RNF40: variants seen among roughly 807,000 people sequenced by gnomAD.
RNF40 encodes the protein E3 ubiquitin-protein ligase BRE1B.
A neutral mutation model predicts 123.3 loss-of-function variants in RNF40; 39 were observed. The ratio of observed to expected loss-of-function variants is 0.32; its 90% CI spans 0.24 to 0.41. The LOEUF (loss-of-function observed/expected upper bound fraction) is 0.41. Among genes scored for constraint, RNF40 ranks in the 10% least tolerant of loss-of-function variants. RNF40 has a pLI of 1.00. For synonymous variants in RNF40, 538 were observed against 526.0 expected (o/e 1.02, Z -0.31); for missense variants, 1,003 against 1,319.9 (o/e 0.76, Z 3.72).
intron 8 of RNF40, 117 bp downstream of exon 8, chr16:30,765,616 C>A: frequency 1.1e-6 from 1 of 894,194 alleles, no homozygotes; most frequent in Non-Finnish European, 1.7e-6. Flanking sequence ...GTCACTCCTG[C>A]TGCTCTTTTT....
chr16:30,775,185 C>T lies in RNF40; in HGVS notation c.*1071C>T, dbSNP rs1290086386. 3 of 355,584 alleles carry T rather than the reference C, an allele frequency of 8.4e-6. No homozygotes were observed. Among genetic ancestry groups the T allele is most frequent in the African/African-American group, 6.4e-5 (3 of 46,718 alleles). The allele number at this position is 355,584 out of a possible 1,614,324, so 22.0% of individuals were successfully genotyped here. ...GATGAATAAACGTTCAACCCTCGGC[C>T]TGCAGCCAGAGTAGCCAGGCCGCGC... On this transcript the variant is annotated 3_prime_UTR_variant, in exon 20 of 20. Coordinates refer to ENST00000324685, the MANE Select transcript of RNF40 (RefSeq NM_014771.4).
chr16:30,767,239 CA>C (rs1256360251), intron 11 of RNF40, among the ~76,000 whole-genome samples: 1 of 152,170 alleles, frequency 6.6e-6, no homozygotes, highest in Non-Finnish European at 1.5e-5. Context: ...GAATTCCTGC[CA>C]TGTGGAGCAA....
At position 30,775,605 on chromosome 16, in the gene RNF40, G is replaced by A. The variant is rs976742906; in HGVS notation, c.*1491G>A. The A allele has an allele frequency of 3.9e-5, 6 of 153,676 alleles. No individual in the cohort carries two copies. The highest frequency in any genetic ancestry group is 2.6e-4 in the Admixed American group (4 of 15,552). 9.5% of individuals were successfully genotyped at this position (153,676 alleles called of 1,614,324 possible). On this transcript the variant is annotated 3_prime_UTR_variant, in exon 20 of 20. Transcript: ENST00000324685. ...CGAATGCACAGATCGGGACACCTCAGCTGGGTGACTTCCCTCGTTGCAATC... is the reference window on the plus strand; with the variant it reads ...CGAATGCACAGATCGGGACACCTCAACTGGGTGACTTCCCTCGTTGCAATC...
rs2054232829 is a variant in RNF40, at chr16:30,776,169, C to CT, written c.*2056dup. ...GTCCCCTTCCAGGAGTAGCCTTCGCCTGGGCTCTTGAGTAGATGCCAAGTA... is the reference window on the plus strand; with the variant it reads ...GTCCCCTTCCAGGAGTAGCCTTCGCCTTGGGCTCTTGAGTAGATGCCAAGTA... On this transcript the variant is annotated 3_prime_UTR_variant, in exon 20 of 20. Coordinates refer to ENST00000324685, the MANE Select transcript of RNF40 (RefSeq NM_014771.4). 6.6e-6 allele frequency: 1 copy of CT among 152,250 alleles called. No individual in the cohort carries two copies. Among genetic ancestry groups the CT allele is most frequent in the African/African-American group, 2.4e-5 (1 of 41,466 alleles). The allele number at this position is 152,250 out of a possible 1,614,324, so 9.4% of individuals were successfully genotyped here. A position where few individuals can be genotyped will look rare whatever the true frequency, so the allele number is the denominator to read the frequency against.
Position 30,763,273 on chromosome 16 carries a change from C to T in RNF40, c.288C>T (p.Arg96=), listed in dbSNP as rs1239183002. The T allele has an allele frequency of 6.2e-6, 10 of 1,614,096 alleles. No homozygotes were observed. Among genetic ancestry groups the T allele is most frequent in the Non-Finnish European group, 8.5e-7 (1 of 1,180,034 alleles). ...TDDATLLIVN[R]YWAQLDETVE... is the part of the protein sequence containing the mutation. ...ATGCCACACTCCTCATCGTCAATCG[C>T]TACTGGGCCCAGGTGGATACCTTCT... The change falls in exon 3 of 20, where the codon CGC becomes CGT. Residue 96 remains arginine, a synonymous_variant. Transcript: ENST00000324685.
rs1352730538 is a variant in RNF40 at position 30,775,042 on chromosome 16, A to C, written c.*928A>C. On this transcript the variant is annotated 3_prime_UTR_variant, in exon 20 of 20. Transcript: ENST00000324685. ...GAGCCTGTGTCCTGTCTGCCTGCCC[A>C]GCCATGCTCCATCGGCTGTGAGGGC... The C allele has an allele frequency of 2.2e-6, 1 of 456,510 alleles. No homozygotes were observed. Among genetic ancestry groups the C allele is most frequent in the Admixed American group, 2.3e-5 (1 of 42,580 alleles). The allele number at this position is 456,510 out of a possible 1,614,324, so 28.3% of individuals were successfully genotyped here. A position where few individuals can be genotyped will look rare whatever the true frequency, so the allele number is the denominator to read the frequency against.
chr16:30,769,447 T>C lies in RNF40; in HGVS notation c.2461-28T>C, dbSNP rs1030744758. On this transcript the variant is annotated intron_variant, in intron 16 of 19. Transcript: ENST00000324685. ...ACTGGAGCTGGAGAGGTGGGGGTCA[T>C]GGCCCTGAGTCCTCCTCTGGTCCTT... The C allele has an allele frequency of 5.6e-6, 9 of 1,613,946 alleles. No homozygotes were observed. The African/African-American group carries it at 1.2e-4, about 22-fold the overall frequency.
chr16:30,771,783 T>C, intron 17 of RNF40, 50 bp from the exon 18 acceptor site: 1 of 1,511,760 alleles, frequency 6.6e-7, no homozygotes, highest in Non-Finnish European at 8.9e-7. Flanking sequence ...TCCACATGCC[T>C]GAGTCACCAG....
intron 8 of RNF40, among the ~76,000 whole-genome samples, chr16:30,765,741 A>G (rs1289291094): frequency 6.6e-6 from 1 of 152,270 alleles, no homozygotes; most frequent in Non-Finnish European, 1.5e-5. Flanking sequence ...CAAGAAATAA[A>G]TAAAAGAATA....
rs1214265537 is a variant in RNF40 at position 30,769,542 on chromosome 16, G to A, written c.2528G>A (p.Gly843Glu). Residue 843 changes from glycine (G) to glutamate (E), a missense_variant, in exon 17 of 20, where the codon GGG becomes GAG. Coordinates refer to ENST00000324685, the MANE Select transcript of RNF40 (RefSeq NM_014771.4). Reference protein sequence around the residue: ...EKERALQGSLGGVEKELTLRS... With the variant: ...EKERALQGSLEGVEKELTLRS... Reference sequence around the variant, plus strand: ...GAGCGAGCCTTGCAGGGCAGCCTCGGGGGTGTGGAGAAGGAGCTGACGCTG... The same window carrying A: ...GAGCGAGCCTTGCAGGGCAGCCTCGAGGGTGTGGAGAAGGAGCTGACGCTG... The A allele has an allele frequency of 6.2e-7, 1 of 1,612,164 alleles. No individual in the cohort carries two copies. Among genetic ancestry groups the A allele is most frequent in the South Asian group, 1.1e-5 (1 of 90,890 alleles).
At chr16:30,765,673 C>T (rs1051701634) in intron 8 of RNF40, among the ~76,000 whole-genome samples, 174 bp downstream of exon 8, 2 of 152,198 alleles carry the variant, frequency 1.3e-5, no homozygotes, top group African/African-American at 4.8e-5. Context: ...ACACTTAGTG[C>T]TAGGCACTAG....
chr16:30,767,767 C>G, intron 11 of RNF40, 127 bp from the exon 12 acceptor site: 3 of 1,274,526 alleles, frequency 2.4e-6, no homozygotes, highest in Non-Finnish European at 3.4e-6. Flanking sequence ...AGTTCATGCT[C>G]CGTTGAGGCC....
chr16:30,772,999 T>G (rs1026656073), intron 19 of RNF40, among the ~76,000 whole-genome samples: 2 of 152,034 alleles, frequency 1.3e-5, no homozygotes, highest in Non-Finnish European at 2.9e-5. Context: ...TTTCCTGGTT[T>G]GAGAAACTAG....
At chr16:30,762,299 A>C (rs2053860662), upstream of RNF40, 5 of 471,884 alleles carry the variant, frequency 1.1e-5, no homozygotes, top group Admixed American at 4.3e-5. Context: ...AGTGGCGTCC[A>C]GTGACGCCCA....
rs532562839 is a variant in RNF40 at position 30,766,903 on chromosome 16, G to C, written c.1429+27G>C. 1 of 1,607,834 alleles carries C rather than the reference G, an allele frequency of 6.2e-7. No homozygotes were observed. Among genetic ancestry groups the C allele is most frequent in the Non-Finnish European group, 8.5e-7 (1 of 1,177,062 alleles). On this transcript the variant is annotated intron_variant, in intron 11 of 19. Transcript: ENST00000324685. The surrounding 1 kb of genome is among the most constrained non-coding windows in gnomAD (Gnocchi z 5.4). ...TATGTGGTGAGGATAGGGCGGAGGT[G>C]GGGCCTTATCTGGGAGTGCTGGGCC...
rs2054219729 is a variant in RNF40, at chr16:30,775,518, C to G, written c.*1404C>G. The G allele has an allele frequency of 5.9e-6, 1 of 170,212 alleles. No individual in the cohort carries two copies. Among genetic ancestry groups the G allele is most frequent in the African/African-American group, 2.4e-5 (1 of 41,834 alleles). 10.5% of individuals were successfully genotyped at this position (170,212 alleles called of 1,614,324 possible). A position where few individuals can be genotyped will look rare whatever the true frequency, so the allele number is the denominator to read the frequency against. Reference sequence around the variant, plus strand: ...GAGCTAGTTTCCCGGTTGCGCTGGCCAAAGGCCGGCCTGAACTGGATCCTG... The same window carrying G: ...GAGCTAGTTTCCCGGTTGCGCTGGCGAAAGGCCGGCCTGAACTGGATCCTG... On this transcript the variant is annotated 3_prime_UTR_variant, in exon 20 of 20. Coordinates refer to ENST00000324685, the MANE Select transcript of RNF40 (RefSeq NM_014771.4).
rs932482527 is a variant in RNF40, at chr16:30,775,472, G to T, written c.*1358G>T. 5.7e-6 allele frequency: 1 copy of T among 174,108 alleles called. No individual in the cohort carries two copies. Among genetic ancestry groups the T allele is most frequent in the Non-Finnish European group, 1.2e-5 (1 of 80,876 alleles). The allele number at this position is 174,108 out of a possible 1,614,324, so 10.8% of individuals were successfully genotyped here. A position where few individuals can be genotyped will look rare whatever the true frequency, so the allele number is the denominator to read the frequency against. Reference sequence around the variant, plus strand: ...AAGTGTAGTTCCTGGTCCGCACATGGTTAGGAGGTTCTCGGAGAGAGAGCT... The same window carrying T: ...AAGTGTAGTTCCTGGTCCGCACATGTTTAGGAGGTTCTCGGAGAGAGAGCT... On this transcript the variant is annotated 3_prime_UTR_variant, in exon 20 of 20. Coordinates refer to ENST00000324685, the MANE Select transcript of RNF40 (RefSeq NM_014771.4).
intron 4 of RNF40, 122 bp downstream of exon 4, chr16:30,763,681 T>A: frequency 9.2e-7 from 1 of 1,082,366 alleles, no homozygotes; most frequent in Non-Finnish European, 1.3e-6. Flanking sequence ...ATGGATTTCA[T>A]GTTTGGGCAG....
In RNF40 at chr16:30,763,217, G is replaced by A; in HGVS notation, c.232G>A (p.Glu78Lys). Residue 78 changes from glutamate to lysine, a missense_variant, in exon 3 of 20, where the codon GAG becomes AAG. Physicochemically the swap from Glu to Lys is moderately conservative, Grantham distance 56. Coordinates refer to ENST00000324685, the MANE Select transcript of RNF40 (RefSeq NM_014771.4). ...TGAAGATGAACTCCGAGAACGAATT[G>A]AGAAGTTGGAGAAGCGGCAGGCCAC... Reference protein sequence around the residue: ...ACEDELRERIEKLEKRQATDD... With the variant: ...ACEDELRERIKKLEKRQATDD... 6.2e-7 allele frequency: 1 copy of A among 1,614,080 alleles called. No individual in the cohort carries two copies.
Sources: gnomAD v4.1 joint callset for allele counts (sites outside exome capture counted in the v4.1 genomes callset) on GRCh38, gnomAD v4.1.1 for gene constraint, Gnocchi (gnomAD v3.1) non-coding constraint, MANE v1.5 for transcripts, NCBI Gene and HGNC (gene_info 2026-07-23, HGNC 2026-07-21) for gene names.